The following PIK3R1 variants were observed in gnomAD, a reference collection of about 807,000 sequenced individuals.
PIK3R1 encodes the protein phosphoinositide-3-kinase regulatory subunit 1, also known as phosphatidylinositol 3-kinase regulatory subunit alpha.
PIK3R1 carries 29 observed loss-of-function variants against 98.0 expected under a neutral mutation model. The observed-to-expected ratio is 0.30, with a 90% CI of 0.22 to 0.40. The LOEUF (loss-of-function observed/expected upper bound fraction) is 0.40. Ranked by LOEUF, PIK3R1 falls within the 10% of genes least tolerant of loss-of-function variation. The pLI, the probability that PIK3R1 is intolerant of heterozygous loss-of-function variation, is 1.00. For synonymous variants in PIK3R1, 282 were observed against 311.8 expected (o/e 0.90, Z 1.01); for missense variants, 596 against 872.7 (o/e 0.68, Z 3.99).
intron 2 of PIK3R1, among the ~76,000 whole-genome samples, chr5:68,228,604 A>G (rs1744367073): frequency 6.6e-6 from 1 of 152,134 alleles, no homozygotes; most frequent in Non-Finnish European, 1.5e-5. Flanking sequence ...CAAGTTATAT[A>G]TTTTCACCTT....
chr5:68,264,922 C>T (rs968561163), intron 2 of PIK3R1, among the ~76,000 whole-genome samples: 1 of 152,180 alleles, frequency 6.6e-6, no homozygotes, highest in African/African-American at 2.4e-5. Context: ...TAGCTAGACC[C>T]GCCGGTCCGT....
At chr5:68,292,235 C>T (rs1393446406) in intron 7 of PIK3R1, 24 bp from the exon 8 acceptor site, 3 of 1,518,284 alleles carry the variant, frequency 2.0e-6, no homozygotes, top group East Asian at 2.3e-5. Flanking sequence ...GGATTGCGAA[C>T]AACTTTTTCT....
At chr5:68,249,300 A>G (rs1179097810) in intron 2 of PIK3R1, among the ~76,000 whole-genome samples, 1 of 152,184 alleles carries the variant, frequency 6.6e-6, no homozygotes, top group Non-Finnish European at 1.5e-5. Flanking sequence ...GGTGCATGTG[A>G]AACTTTTGTT....
chr5:68,253,805 A>AT (rs1181399623), intron 2 of PIK3R1, among the ~76,000 whole-genome samples: 1 of 151,762 alleles, frequency 6.6e-6, no homozygotes, highest in Non-Finnish European at 1.5e-5. Flanking sequence ...TTTATGATAA[A>AT]TTAAATGCAT....
chr5:68,300,373 C>G lies in PIK3R1; in HGVS notation c.*2772C>G, dbSNP rs1747973178. The G allele has an allele frequency of 4.3e-6, 1 of 232,814 alleles. No individual in the cohort carries two copies. The highest frequency in any genetic ancestry group is 5.6e-5 in the Admixed American group (1 of 17,784). 14.4% of individuals were successfully genotyped at this position (232,814 alleles called of 1,614,324 possible). On this transcript the variant is annotated 3_prime_UTR_variant, in exon 16 of 16. Coordinates refer to ENST00000521381, the MANE Select transcript of PIK3R1 (RefSeq NM_181523.3). ...CATCAGACAGTCCTAACAATATTGTCTGAACGGCTGAATATGAATAGATAC... is the reference window on the plus strand; with the variant it reads ...CATCAGACAGTCCTAACAATATTGTGTGAACGGCTGAATATGAATAGATAC...
rs769581765 is a variant in PIK3R1, at chr5:68,226,780, G to C, written c.105G>C (p.Gly35=). ...HLGDILTVNK[G]SLVALGFSDG... is the part of the protein sequence containing the mutation. ...GTGACATATTGACTGTGAATAAAGG[G>C]TCCTTAGTAGCTCTTGGATTCAGTG... Residue 35 remains glycine (G), a synonymous_variant, in exon 2 of 16, where the codon GGG becomes GGC. Coordinates refer to ENST00000521381, the MANE Select transcript of PIK3R1 (RefSeq NM_181523.3). The C allele has an allele frequency of 7.4e-6, 12 of 1,613,966 alleles. No homozygotes were observed. Among genetic ancestry groups the C allele is most frequent in the Non-Finnish European group, 1.0e-5 (12 of 1,180,016 alleles).
intron 2 of PIK3R1, among the ~76,000 whole-genome samples, chr5:68,265,515 TG>T (rs1288532733): frequency 6.6e-6 from 1 of 152,182 alleles, no homozygotes; most frequent in Non-Finnish European, 1.5e-5. Flanking sequence ...CTTGTCACTG[TG>T]ATCTCACATG....
intron 2 of PIK3R1, among the ~76,000 whole-genome samples, chr5:68,239,711 A>G (rs1001814129): frequency 3.3e-5 from 5 of 152,320 alleles, no homozygotes; most frequent in African/African-American, 1.2e-4. Flanking sequence ...ACACTGCTTG[A>G]TGCTGCTGAC....
intron 2 of PIK3R1, among the ~76,000 whole-genome samples, chr5:68,252,318 G>A (rs2112072702): frequency 6.6e-6 from 1 of 151,714 alleles, no homozygotes; most frequent in Admixed American, 6.6e-5. Flanking sequence ...GTTTAAGTTG[G>A]CAGATATGCT....
chr5:68,239,074 G>T (rs1018460052), intron 2 of PIK3R1, among the ~76,000 whole-genome samples: 1 of 152,116 alleles, frequency 6.6e-6, no homozygotes, highest in African/African-American at 2.4e-5. Flanking sequence ...ATGTTATGTG[G>T]AAAGGCAATT....
At chr5:68,278,780 A>G (rs1746686404) in intron 4 of PIK3R1, among the ~76,000 whole-genome samples, 1 of 152,082 alleles carries the variant, frequency 6.6e-6, no homozygotes, top group South Asian at 2.1e-4. Flanking sequence ...TCTCTACTAA[A>G]AATACAAAAA....
intron 2 of PIK3R1, among the ~76,000 whole-genome samples, chr5:68,248,995 C>T (rs996021738): frequency 2.6e-5 from 4 of 152,072 alleles, no homozygotes; most frequent in Non-Finnish European, 4.4e-5. Flanking sequence ...AGTATTGCAG[C>T]GTGATTCAAA....
intron 2 of PIK3R1, among the ~76,000 whole-genome samples, chr5:68,263,214 T>TA (rs1491505755): frequency 7.3e-4 from 60 of 82,242 alleles, no homozygotes; most frequent in Middle Eastern, 6.8e-3. Flanking sequence ...TATATATATA[T>TA]TTCTACATAT....
Position 68,280,920 on chromosome 5 carries a change from C to T in PIK3R1, c.837-7C>T, listed in dbSNP as rs571365105. On this transcript the variant is annotated splice_polypyrimidine_tract_variant and splice_region_variant and intron_variant, in intron 6 of 15. Transcript: ENST00000521381. ...AAAAGGTTTCTAATAAACTCTCTTT[C>T]TTACAGCTCTGATAATACTGAAAAC... 5.2e-4 allele frequency: 805 copies of T among 1,553,598 alleles called. 10 individuals are homozygous for T. In the South Asian group the frequency reaches 9.0e-3, roughly 17 times the overall value.
At chr5:68,293,628 T>A in intron 10 of PIK3R1, 81 bp from the exon 11 acceptor site, 1 of 1,181,752 alleles carries the variant, frequency 8.5e-7, no homozygotes, top group South Asian at 1.5e-5. Flanking sequence ...ATTTTAAAGA[T>A]GTTTCCATGT....
intron 1 of PIK3R1, among the ~76,000 whole-genome samples, chr5:68,218,013 A>G (rs931437111): frequency 6.6e-6 from 1 of 152,180 alleles, no homozygotes; most frequent in African/African-American, 2.4e-5. Flanking sequence ...AAAAATAATG[A>G]TATCAGTGAG....
intron 15 of PIK3R1, among the ~76,000 whole-genome samples, chr5:68,296,806 A>C (rs1467985261): frequency 6.6e-6 from 1 of 152,228 alleles, no homozygotes; most frequent in Non-Finnish European, 1.5e-5. Flanking sequence ...ACATTGGATC[A>C]CTGACATCAC....
chr5:68,233,500 T>A (rs1744555601), intron 2 of PIK3R1, among the ~76,000 whole-genome samples: 1 of 152,248 alleles, frequency 6.6e-6, no homozygotes, highest in Non-Finnish European at 1.5e-5. Flanking sequence ...ATGGGCTTTA[T>A]TTCAATTGCT....
At chr5:68,280,000 T>C (rs1447563329) in intron 5 of PIK3R1, among the ~76,000 whole-genome samples, 4 of 152,178 alleles carry the variant, frequency 2.6e-5, no homozygotes, top group African/African-American at 9.7e-5. Context: ...TGTACGTCAA[T>C]GAAGGACACG....
Sources: gnomAD v4.1 joint callset for allele counts (sites outside exome capture counted in the v4.1 genomes callset) on GRCh38, gnomAD v4.1.1 for gene constraint, MANE v1.5 for transcripts, NCBI Gene and HGNC (gene_info 2026-07-23, HGNC 2026-07-21) for gene names.